The following MAPKAP1 variants were observed in gnomAD, a reference collection of about 807,000 sequenced individuals.
MAPKAP1 encodes the protein target of rapamycin complex 2 subunit MAPKAP1.
Under a neutral mutation model 65.7 loss-of-function variants are expected in MAPKAP1, and 20 were observed. The observed-to-expected ratio is 0.30, with a 90% CI of 0.21 to 0.44. The LOEUF is 0.44. Among genes scored for constraint, MAPKAP1 ranks in the 20% least tolerant of loss-of-function variants. The pLI is 1.00. For missense variants in MAPKAP1, 423 were observed against 648.0 expected (o/e 0.65, Z 3.77); for synonymous variants, 222 against 244.3 (o/e 0.91, Z 0.85).
At chr9:125,579,589 G>A (rs952161705) in intron 5 of MAPKAP1, among the ~76,000 whole-genome samples, 3 of 152,126 alleles carry the variant, frequency 2.0e-5, no homozygotes, top group Non-Finnish European at 2.9e-5. Flanking sequence ...AACCGTGCCC[G>A]GCCCAAGAAC....
intron 4 of MAPKAP1, among the ~76,000 whole-genome samples, chr9:125,588,837 T>C (rs1831868049): frequency 6.6e-6 from 1 of 152,172 alleles, no homozygotes; most frequent in Non-Finnish European, 1.5e-5. Context: ...CACCACATGA[T>C]CTGGCCCTGT....
At chr9:125,652,579 T>A (rs1833924510) in intron 4 of MAPKAP1, among the ~76,000 whole-genome samples, 1 of 152,218 alleles carries the variant, frequency 6.6e-6, no homozygotes, top group Non-Finnish European at 1.5e-5. Flanking sequence ...ACCATCAAAG[T>A]CACAGTTGTC....
intron 7 of MAPKAP1, among the ~76,000 whole-genome samples, chr9:125,531,156 G>A (rs182330767): frequency 6.6e-6 from 1 of 152,262 alleles, no homozygotes; most frequent in East Asian, 1.9e-4. Context: ...AGGGACATTT[G>A]GTCTCTCTAG....
chr9:125,559,476 A>T, intron 6 of MAPKAP1, 157 bp downstream of exon 6: 2 of 632,398 alleles, frequency 3.2e-6, no homozygotes, highest in Non-Finnish European at 5.5e-6. Context: ...ATACAATGCG[A>T]ATGTCGTCCT....
At chr9:125,505,085 C>T (rs1048300569) in intron 8 of MAPKAP1, among the ~76,000 whole-genome samples, 10 of 152,182 alleles carry the variant, frequency 6.6e-5, no homozygotes, top group Non-Finnish European at 1.2e-4. Flanking sequence ...CAGTGGCTCA[C>T]ATCTATAATC....
chr9:125,532,229 C>A (rs10986785), intron 7 of MAPKAP1, among the ~76,000 whole-genome samples: 8,364 of 152,216 alleles, frequency 0.055, 370 homozygotes, highest in East Asian at 0.15. Flanking sequence ...ATTTATATAT[C>A]TCCTTGGTTT....
chr9:125,612,398 T>C (rs567043895), intron 4 of MAPKAP1, among the ~76,000 whole-genome samples: 20 of 152,182 alleles, frequency 1.3e-4, no homozygotes, highest in South Asian at 6.2e-4. Flanking sequence ...CTGTACAAAT[T>C]CTTTTAGTTT....
intron 5 of MAPKAP1, among the ~76,000 whole-genome samples, chr9:125,577,741 C>T (rs1455288752): frequency 7.3e-6 from 1 of 136,186 alleles, no homozygotes; most frequent in Non-Finnish European, 1.6e-5. Context: ...GCGCCTCTGC[C>T]TGGCCGCCCC....
At chr9:125,673,763 T>A (rs1053840192) in intron 1 of MAPKAP1, among the ~76,000 whole-genome samples, 17 of 150,762 alleles carry the variant, frequency 1.1e-4, no homozygotes, top group South Asian at 2.1e-4. Flanking sequence ...TCTACAAAAA[T>A]ATATATATAT....
chr9:125,619,080 C>T (rs1034672307), intron 4 of MAPKAP1, among the ~76,000 whole-genome samples: 4 of 152,148 alleles, frequency 2.6e-5, no homozygotes, highest in African/African-American at 9.7e-5. Flanking sequence ...CTATAGTGAG[C>T]CTTGGTCATG....
At chr9:125,532,099 G>A (rs893634480) in intron 7 of MAPKAP1, among the ~76,000 whole-genome samples, 12 of 151,536 alleles carry the variant, frequency 7.9e-5, no homozygotes, top group African/African-American at 2.9e-4. Flanking sequence ...TGTGGTGTAC[G>A]GAAAAAAAAA....
chr9:125,509,528 C>A (rs1177651689), intron 7 of MAPKAP1, among the ~76,000 whole-genome samples: 1 of 152,158 alleles, frequency 6.6e-6, no homozygotes, highest in African/African-American at 2.4e-5. Context: ...AATTAGCACA[C>A]ATTGTGGCAT....
intron 6 of MAPKAP1, among the ~76,000 whole-genome samples, chr9:125,548,997 T>C (rs1046743016): frequency 1.4e-4 from 22 of 152,210 alleles, no homozygotes; most frequent in African/African-American, 5.3e-4. Context: ...TCTGTGTTTG[T>C]TAATCCCTCC....
intron 4 of MAPKAP1, among the ~76,000 whole-genome samples, chr9:125,598,273 A>G (rs1589326646): frequency 1.3e-5 from 2 of 152,300 alleles, no homozygotes. Flanking sequence ...TTAATCTTCA[A>G]TAAATCTGGA....
chr9:125,572,542 C>T (rs534058), intron 5 of MAPKAP1, among the ~76,000 whole-genome samples: 140,878 of 152,254 alleles, frequency 0.93, 66,051 homozygotes, highest in East Asian at 1. Flanking sequence ...TAAATTCTAG[C>T]CTCATTAGTT....
intron 5 of MAPKAP1, among the ~76,000 whole-genome samples, chr9:125,573,285 G>A (rs559295700): frequency 2.6e-5 from 4 of 152,166 alleles, no homozygotes; most frequent in African/African-American, 4.8e-5. Flanking sequence ...AAAACAGGTT[G>A]CAGTAAAGGA....
intron 7 of MAPKAP1, among the ~76,000 whole-genome samples, chr9:125,508,441 A>G (rs1829207757): frequency 6.6e-6 from 1 of 152,210 alleles, no homozygotes; most frequent in Admixed American, 6.5e-5. Context: ...GGCCTATTAA[A>G]CAATCTCTGA....
In MAPKAP1 at chr9:125,707,110, C is replaced by G. The variant is rs946492568; in HGVS notation, c.-209G>C. On this transcript the variant is annotated 5_prime_UTR_variant, in exon 1 of 12. Coordinates refer to ENST00000265960, the MANE Select transcript of MAPKAP1 (RefSeq NM_001006617.3). The stretch of plus-strand genomic sequence containing the variant: ...CACGGGGACCGGCGCTCCTCCCGGC[C>G]CGCTCAGCTGCCGCTTCCCGGGTTA... 2.5e-6 allele frequency: 1 copy of G among 398,182 alleles called. No homozygotes were observed. The highest frequency in any genetic ancestry group is 2.1e-5 in the African/African-American group (1 of 48,634). The allele number at this position is 398,182 out of a possible 1,614,324, so 24.7% of individuals were successfully genotyped here.
rs536341700 is a variant in MAPKAP1 at position 125,488,372 on chromosome 9, C to CTT, written c.1067-3790_1067-3789insAA. Among the ~76,000 whole-genome samples the CTT allele has an allele frequency of 5.7e-3, 744 of 129,642 alleles. 5 individuals are homozygous for CTT. The highest frequency in any genetic ancestry group is 0.018 in the African/African-American group (704 of 39,832). The allele number at this position is 129,642 out of a possible 152,430, so 85.1% of individuals were successfully genotyped here. A position where few individuals can be genotyped will look rare whatever the true frequency, so the allele number is the denominator to read the frequency against. On this transcript the variant is annotated intron_variant, in intron 8 of 11. Transcript: ENST00000265960. ...GTTCCAGTGTCATTTCTTTCTTTCT[C>CTT]TCTCTCTTTTGAGACAGAGTTTTGC...
Sources: gnomAD v4.1 joint callset for allele counts (sites outside exome capture counted in the v4.1 genomes callset) on GRCh38, gnomAD v4.1.1 for gene constraint, MANE v1.5 for transcripts, NCBI Gene and HGNC (gene_info 2026-07-23, HGNC 2026-07-21) for gene names.